Variants in ANKRD31 observed in about 807,000 individuals in gnomAD.
ANKRD31 encodes ankyrin repeat domain-containing protein 31.
ANKRD31 carries 147 observed loss-of-function variants against 186.0 expected under a neutral mutation model. The observed-to-expected ratio is 0.79, with a 90% CI of 0.69 to 0.91. The LOEUF (loss-of-function observed/expected upper bound fraction) is 0.91, where lower values mean the gene tolerates loss of function less well. Among genes scored for constraint, ANKRD31 ranks in the 40% least tolerant of loss-of-function variants. ANKRD31 has a pLI of 0.00. For synonymous variants in ANKRD31, 673 were observed against 736.4 expected (o/e 0.91, Z 1.39); for missense variants, 1,986 against 2,148.8 (o/e 0.92, Z 1.50).
chr5:75,192,637 A>G (rs1755189766), intron 9 of ANKRD31, 30 bp downstream of exon 9: 4 of 1,426,142 alleles, frequency 2.8e-6, no homozygotes. Context: ...TTTGTAAAAG[A>G]AATAGAAAAA....
chr5:75,222,241 C>A lies in ANKRD31; in HGVS notation c.288+8G>T, dbSNP rs1156659049. 4 of 1,521,788 alleles carry A rather than the reference C, an allele frequency of 2.6e-6. No individual in the cohort carries two copies. The East Asian group carries it at 9.8e-5, about 37-fold the overall frequency. 94.3% of individuals were successfully genotyped at this position (1,521,788 alleles called of 1,614,324 possible). On this transcript the variant is annotated splice_region_variant and intron_variant, in intron 3 of 25. Transcript: ENST00000506364. ...AATGAGTATGTATTCAATCAACATG[C>A]TACACACCTGTAATATTGTATCCTC...
chr5:75,230,522 G>A, intron 2 of ANKRD31, 40 bp downstream of exon 2: 1 of 1,458,980 alleles, frequency 6.9e-7, no homozygotes, highest in South Asian at 1.2e-5. Context: ...GACTAACTGG[G>A]AAACTAAAGG....
chr5:75,142,046 C>T (rs1004452982), intron 15 of ANKRD31, among the ~76,000 whole-genome samples: 6 of 152,094 alleles, frequency 3.9e-5, no homozygotes, highest in African/African-American at 1.4e-4. Flanking sequence ...TCTTCAAAAA[C>T]TCCACTGTAG....
intron 22 of ANKRD31, among the ~76,000 whole-genome samples, chr5:75,099,891 T>G (rs1308188774): frequency 9.2e-5 from 14 of 152,196 alleles, no homozygotes. Flanking sequence ...ATTCATTGAT[T>G]TTTTGAATGG....
At chr5:75,110,411 T>C (rs760155487) in intron 20 of ANKRD31, among the ~76,000 whole-genome samples, 3 of 151,728 alleles carry the variant, frequency 2.0e-5, no homozygotes, top group Non-Finnish European at 4.4e-5. Flanking sequence ...GGAATAAAAC[T>C]AGTGAAAAAG....
intron 10 of ANKRD31, among the ~76,000 whole-genome samples, chr5:75,185,524 C>G (rs886666037): frequency 1.1e-4 from 17 of 152,126 alleles, no homozygotes; most frequent in African/African-American, 4.1e-4. Flanking sequence ...CGCCACTGCA[C>G]TCTAGCCTGG....
At chr5:75,161,285 C>T (rs1752557592) in intron 11 of ANKRD31, among the ~76,000 whole-genome samples, 1 of 152,136 alleles carries the variant, frequency 6.6e-6, no homozygotes, top group South Asian at 2.1e-4. Context: ...TTGTTGGTAA[C>T]TGGAGCAAAG....
intron 11 of ANKRD31, among the ~76,000 whole-genome samples, chr5:75,162,232 C>T (rs191558090): frequency 6.6e-5 from 10 of 152,316 alleles, no homozygotes; most frequent in African/African-American, 2.2e-4. Context: ...GAGCTGCCCA[C>T]GACCATGGAA....
intron 17 of ANKRD31, among the ~76,000 whole-genome samples, chr5:75,131,317 G>A (rs541566637): frequency 1.3e-5 from 2 of 152,204 alleles, no homozygotes; most frequent in South Asian, 4.2e-4. Flanking sequence ...AGGGTTGCTA[G>A]CACGTTATCA....
chr5:75,178,920 G>C (rs148528936), intron 10 of ANKRD31, among the ~76,000 whole-genome samples: 8,392 of 151,858 alleles, frequency 0.055, 523 homozygotes, highest in African/African-American at 0.15. Context: ...CACAAAAAAC[G>C]CTTCAAAAAT....
chr5:75,105,332 C>CA, intron 21 of ANKRD31, 114 bp from the exon 22 acceptor site: 1 of 1,160,130 alleles, frequency 8.6e-7, no homozygotes, highest in Non-Finnish European at 1.1e-6. Context: ...TTAAAATACA[C>CA]AAAACTATGC....
chr5:75,138,117 T>C lies in ANKRD31; in HGVS notation c.3734-119A>G, dbSNP rs533189671. 1.6e-4 allele frequency: 131 copies of C among 843,718 alleles called. 1 individual carries two copies. The African/African-American group carries it at 2.0e-3, about 13-fold the overall frequency. The allele number at this position is 843,718 out of a possible 1,614,324, so 52.3% of individuals were successfully genotyped here. On this transcript the variant is annotated intron_variant, in intron 16 of 25. Transcript: ENST00000506364. ...ATATCCATATTGATTCATATGTATATACTAAGTATTGAACAAGAAATAATA... is the reference window on the plus strand; with the variant it reads ...ATATCCATATTGATTCATATGTATACACTAAGTATTGAACAAGAAATAATA...
chr5:75,072,965 G>A (rs1323370431), intron 25 of ANKRD31, among the ~76,000 whole-genome samples: 3 of 152,142 alleles, frequency 2.0e-5, no homozygotes, highest in Admixed American at 6.5e-5. Context: ...TTATAACTAC[G>A]ATAATTCCTA....
chr5:75,152,140 C>T (rs535055831), intron 12 of ANKRD31, among the ~76,000 whole-genome samples: 1 of 152,122 alleles, frequency 6.6e-6, no homozygotes, highest in Non-Finnish European at 1.5e-5. Flanking sequence ...TGCTTTTATT[C>T]TTGACCTTTC....
chr5:75,195,946 G>A lies in ANKRD31; in HGVS notation c.702C>T (p.Thr234=). 5 of 1,533,222 alleles carry A rather than the reference G, an allele frequency of 3.3e-6. No homozygotes were observed. The South Asian group carries it at 4.8e-5, about 15-fold the overall frequency. 95.0% of individuals were successfully genotyped at this position (1,533,222 alleles called of 1,614,324 possible). ...LESLLTSPES[T]QEERLFELVS... ...CTAATTCAAACAATCTTTCCTCCTG[G>A]GTGCTTTCTGGTGATGTAAGTAAAC... The change falls in exon 7 of 26, where the codon ACC becomes ACT. Residue 234 remains threonine (T), a synonymous_variant. Transcript: ENST00000506364.
rs150873610 is a variant in ANKRD31 at position 75,120,648 on chromosome 5, T to C, written c.3877-2351A>G. Among the ~76,000 whole-genome samples, 6 of 151,934 alleles carry C rather than the reference T, an allele frequency of 3.9e-5. No individual in the cohort carries two copies. The East Asian group carries it at 1.2e-3, about 29-fold the overall frequency. ...TTTTTCTACTAGTCTAGAGGTAGCATAGCATAAAGAAAAAACTGAACCAAA... is the reference window on the plus strand; with the variant it reads ...TTTTTCTACTAGTCTAGAGGTAGCACAGCATAAAGAAAAAACTGAACCAAA... On this transcript the variant is annotated intron_variant, in intron 17 of 25. Coordinates refer to ENST00000506364, the MANE Select transcript of ANKRD31 (RefSeq NM_001372053.1).
chr5:75,198,604 A>G (rs1332127975), intron 6 of ANKRD31, among the ~76,000 whole-genome samples: 1 of 152,188 alleles, frequency 6.6e-6, no homozygotes, highest in Non-Finnish European at 1.5e-5. Flanking sequence ...ATAGAGTACA[A>G]GTGATTTGGA....
At chr5:75,142,435 T>G (rs1751114875) in intron 15 of ANKRD31, among the ~76,000 whole-genome samples, 1 of 152,072 alleles carries the variant, frequency 6.6e-6, no homozygotes, top group Non-Finnish European at 1.5e-5. Context: ...ATATTATCTA[T>G]TTATTTAAAT....
intron 10 of ANKRD31, among the ~76,000 whole-genome samples, chr5:75,180,769 C>A (rs2150217867): frequency 6.6e-6 from 1 of 152,206 alleles, no homozygotes; most frequent in Non-Finnish European, 1.5e-5. Context: ...AGACCTAAAA[C>A]CATAAAAACC....
Sources: gnomAD v4.1 joint callset for allele counts (sites outside exome capture counted in the v4.1 genomes callset) on GRCh38, gnomAD v4.1.1 for gene constraint, MANE v1.5 for transcripts, NCBI Gene and HGNC (gene_info 2026-07-23, HGNC 2026-07-21) for gene names.